ITGAM: variants seen among roughly 807,000 people sequenced by gnomAD.
ITGAM encodes integrin subunit alpha M, also known as integrin alpha-M.
Under a neutral mutation model 137.5 loss-of-function variants are expected in ITGAM, and 79 were observed. That is an observed-to-expected ratio of 0.57 (90% CI 0.48 to 0.69). ITGAM has a LOEUF of 0.69. ITGAM is among the 30% of genes least tolerant of loss of function. The pLI, the probability that ITGAM is intolerant of heterozygous loss-of-function variation, is 0.00. For missense variants in ITGAM, 1,343 were observed against 1,483.5 expected, an observed-to-expected ratio of 0.91 and a Z score of 1.56; for synonymous variants, 583 against 592.3, an observed-to-expected ratio of 0.98 and a Z score of 0.23.
chr16:31,284,548 G>T (rs2080007228), intron 12 of ITGAM, among the ~76,000 whole-genome samples: 1 of 152,190 alleles, frequency 6.6e-6, no homozygotes, highest in South Asian at 2.1e-4. Context: ...TAATCTCCTG[G>T]TGTGCCATTT....
At chr16:31,272,772 T>C (rs2079865559) in intron 7 of ITGAM, among the ~76,000 whole-genome samples, 1 of 151,602 alleles carries the variant, frequency 6.6e-6, no homozygotes, top group Non-Finnish European at 1.5e-5. Flanking sequence ...GTGTCAGCCA[T>C]AAATATATAT....
chr16:31,329,071 GTTCCCCCATCCCCC>G, intron 23 of ITGAM, 143 bp from the exon 24 acceptor site: 1 of 518,502 alleles, frequency 1.9e-6, no homozygotes, highest in Non-Finnish European at 3.6e-6. Flanking sequence ...GCACACATTG[GTTCCCCCATCCCCC>G]TGCACCCCAC....
At chr16:31,311,154 C>A (rs184424549) in intron 14 of ITGAM, among the ~76,000 whole-genome samples, 26 of 152,222 alleles carry the variant, frequency 1.7e-4, no homozygotes, top group African/African-American at 6.0e-4. Context: ...TAAAGACTTA[C>A]ATGTTAGTCC....
intron 14 of ITGAM, among the ~76,000 whole-genome samples, chr16:31,311,115 C>G (rs1198981886): frequency 6.6e-6 from 1 of 152,152 alleles, no homozygotes; most frequent in Non-Finnish European, 1.5e-5. Flanking sequence ...CTTCCTTACA[C>G]CGTATACAAA....
rs1477649345 is a variant in ITGAM, at chr16:31,325,632, C to T, written c.2628+10C>T. On this transcript the variant is annotated intron_variant, in intron 21 of 29. Coordinates refer to ENST00000544665, the MANE Select transcript of ITGAM (RefSeq NM_000632.4). Reference sequence around the variant, plus strand: ...CCCGGAAAACTCAGAGGTCAGAACTCCTGGCTCCTCCCCTCCTTTTCTCTT... The same window carrying T: ...CCCGGAAAACTCAGAGGTCAGAACTTCTGGCTCCTCCCCTCCTTTTCTCTT... The T allele has an allele frequency of 6.2e-7, 1 of 1,610,728 alleles. No individual in the cohort carries two copies. Among genetic ancestry groups the T allele is most frequent in the Non-Finnish European group, 8.5e-7 (1 of 1,178,922 alleles).
chr16:31,314,250 A>T (rs2080367099), intron 14 of ITGAM, among the ~76,000 whole-genome samples: 5 of 152,032 alleles, frequency 3.3e-5, no homozygotes. Context: ...CTCATTTGTC[A>T]ATTTTGGCTT....
intron 23 of ITGAM, 35 bp from the exon 24 acceptor site, chr16:31,329,193 T>A: frequency 1.4e-6 from 2 of 1,478,668 alleles, no homozygotes; most frequent in Non-Finnish European, 1.9e-6. Flanking sequence ...ACCCCTCATG[T>A]TTTGTCACCT....
rs141874817 is a variant in ITGAM, at chr16:31,287,065, G to A, written c.1356+8956G>A. Reference sequence around the variant, plus strand: ...CCTTGAGTTGATTTTTGTATAAGGTGTAAGGAAGGGGTTCAGTTTCATTCT... The same window carrying A: ...CCTTGAGTTGATTTTTGTATAAGGTATAAGGAAGGGGTTCAGTTTCATTCT... On this transcript the variant is annotated intron_variant, in intron 12 of 29. Coordinates refer to ENST00000544665, the MANE Select transcript of ITGAM (RefSeq NM_000632.4). 3.5e-3 allele frequency among the ~76,000 whole-genome samples: 533 copies of A among 152,292 alleles called. 6 individuals are homozygous for A. Among genetic ancestry groups the A allele is most frequent in the African/African-American group, 0.012 (506 of 41,560 alleles).
At chr16:31,320,726 C>A (rs761386740) in intron 14 of ITGAM, among the ~76,000 whole-genome samples, 2 of 152,188 alleles carry the variant, frequency 1.3e-5, no homozygotes, top group South Asian at 2.1e-4. Flanking sequence ...CATAGTAGCA[C>A]TCTTTTACCC....
At chr16:31,317,591 C>T (rs1204434773) in intron 14 of ITGAM, among the ~76,000 whole-genome samples, 1 of 152,166 alleles carries the variant, frequency 6.6e-6, no homozygotes, top group East Asian at 1.9e-4. Context: ...TATAACCCAT[C>T]CAGTCTATGT....
At chr16:31,302,980 CTT>C (rs1170962911) in intron 14 of ITGAM, among the ~76,000 whole-genome samples, 1 of 82,130 alleles carries the variant, frequency 1.2e-5, no homozygotes, top group African/African-American at 5.0e-5. Context: ...TTCTTTCTTT[CTT>C]TCTTTCTTTC....
In ITGAM at chr16:31,325,666, T is replaced by A. The variant is rs763681582; in HGVS notation, c.2628+44T>A. On this transcript the variant is annotated intron_variant, in intron 21 of 29. Coordinates refer to ENST00000544665, the MANE Select transcript of ITGAM (RefSeq NM_000632.4). ...TCCCCTCCTTTTCTCTTTGATTTCTTTGGGGATTCTTTTCTTCTTCTTCTC... is the reference window on the plus strand; with the variant it reads ...TCCCCTCCTTTTCTCTTTGATTTCTATGGGGATTCTTTTCTTCTTCTTCTC... 1.9e-6 allele frequency: 3 copies of A among 1,585,732 alleles called. No individual in the cohort carries two copies. In the South Asian group the frequency reaches 3.5e-5, roughly 18 times the overall value.
chr16:31,326,097 AAGTATAC>A (rs1203395842), intron 21 of ITGAM, among the ~76,000 whole-genome samples: 2 of 151,904 alleles, frequency 1.3e-5, no homozygotes, highest in African/African-American at 2.4e-5. Flanking sequence ...AAATAAAATA[AAGTATAC>A]AGTTCAGTGG....
chr16:31,276,619 A>G, intron 9 of ITGAM, 52 bp from the exon 10 acceptor site: 1 of 1,366,334 alleles, frequency 7.3e-7, no homozygotes, highest in Non-Finnish European at 1.0e-6. Context: ...GGCGTGAGCC[A>G]CCATGCCCGG....
intron 26 of ITGAM, 23 bp from the exon 27 acceptor site, chr16:31,330,285 C>T (rs773938012): frequency 8.1e-6 from 13 of 1,600,866 alleles, no homozygotes; most frequent in Non-Finnish European, 1.0e-5. Context: ...CTTACCCGTC[C>T]CCTCCCCTCC....
At chr16:31,291,124 A>G (rs2080082751) in intron 12 of ITGAM, among the ~76,000 whole-genome samples, 1 of 152,214 alleles carries the variant, frequency 6.6e-6, no homozygotes, top group Non-Finnish European at 1.5e-5. Flanking sequence ...TTATAGTTCC[A>G]ATATTGTTAA....
In ITGAM at chr16:31,331,807, C is replaced by T; in HGVS notation, c.*100C>T. 1.1e-6 allele frequency: 1 copy of T among 909,238 alleles called. No homozygotes were observed. Among genetic ancestry groups the T allele is most frequent in the Non-Finnish European group, 1.7e-6 (1 of 597,060 alleles). The allele number at this position is 909,238 out of a possible 1,614,324, so 56.3% of individuals were successfully genotyped here. A position where few individuals can be genotyped will look rare whatever the true frequency, so the allele number is the denominator to read the frequency against. On this transcript the variant is annotated 3_prime_UTR_variant, in exon 30 of 30. Coordinates refer to ENST00000544665, the MANE Select transcript of ITGAM (RefSeq NM_000632.4). ...CTGGACACGTCGGACAGCGAAGTAT[C>T]CCCGACAGGACGGGCTTGGGCTTCC...
At chr16:31,292,399 G>C (rs1365699556) in intron 12 of ITGAM, among the ~76,000 whole-genome samples, 1 of 151,636 alleles carries the variant, frequency 6.6e-6, no homozygotes, top group African/African-American at 2.4e-5. Flanking sequence ...TATTTTTTCT[G>C]CTCCTGCCTC....
chr16:31,272,423 CTATATATATATATATATATATATATA>C lies in ITGAM; in HGVS notation c.704+447_704+472del, dbSNP rs1307190696. 6.0e-4 allele frequency among the ~76,000 whole-genome samples: 19 copies of C among 31,532 alleles called. No homozygotes were observed. The East Asian group carries it at 7.5e-3, about 13-fold the overall frequency. 20.7% of individuals were successfully genotyped at this position (31,532 alleles called of 152,430 possible). ...GAGAGGTTTCCTGAAGGCCAATTAA[CTATATATATATATATATATATATATA>C]TATATATATATATATTTTTTTTTTT... On this transcript the variant is annotated intron_variant, in intron 7 of 29. Coordinates refer to ENST00000544665, the MANE Select transcript of ITGAM (RefSeq NM_000632.4).
Sources: gnomAD v4.1 joint callset for allele counts (sites outside exome capture counted in the v4.1 genomes callset) on GRCh38, gnomAD v4.1.1 for gene constraint, MANE v1.5 for transcripts, NCBI Gene and HGNC (gene_info 2026-07-23, HGNC 2026-07-21) for gene names.